The following PRKCE variants were observed in gnomAD, a reference collection of about 807,000 sequenced individuals.
The protein encoded by PRKCE is protein kinase C epsilon.
A neutral mutation model predicts 85.4 loss-of-function variants in PRKCE; 16 were observed. The ratio of observed to expected loss-of-function variants is 0.19; its 90% CI spans 0.13 to 0.28. The LOEUF (loss-of-function observed/expected upper bound fraction) is 0.28. Among genes scored for constraint, PRKCE ranks in the 10% least tolerant of loss-of-function variants. The pLI is 1.00. For missense variants in PRKCE, 573 were observed against 975.2 expected, an observed-to-expected ratio of 0.59 and a Z score of 5.49; for synonymous variants, 388 against 371.5, an observed-to-expected ratio of 1.04 and a Z score of -0.51.
intron 10 of PRKCE, among the ~76,000 whole-genome samples, chr2:46,034,501 G>A (rs1477016553): frequency 6.6e-6 from 1 of 152,168 alleles, no homozygotes; most frequent in African/African-American, 2.4e-5. Context: ...ATTGCATATA[G>A]ATCTCTAGCC....
intron 1 of PRKCE, among the ~76,000 whole-genome samples, chr2:45,836,715 C>G (rs1690910018): frequency 6.6e-6 from 1 of 152,194 alleles, no homozygotes; most frequent in African/African-American, 2.4e-5. Flanking sequence ...GGTTCCCCGT[C>G]TGCCTCCTCC....
At chr2:45,698,605 G>A (rs978262148) in intron 1 of PRKCE, among the ~76,000 whole-genome samples, 8 of 151,796 alleles carry the variant, frequency 5.3e-5, no homozygotes, top group African/African-American at 1.9e-4. Flanking sequence ...GAAAGGAAGA[G>A]GAAAGAGAGG....
At chr2:45,770,842 C>T (rs1685265479) in intron 1 of PRKCE, 1 of 146,434 alleles carries the variant, frequency 6.8e-6, no homozygotes, top group African/African-American at 2.5e-5. Context: ...GTGAAAAAGA[C>T]CAACCAAATC....
At chr2:45,763,546 C>T (rs2104847402) in intron 1 of PRKCE, among the ~76,000 whole-genome samples, 1 of 152,032 alleles carries the variant, frequency 6.6e-6, no homozygotes, top group African/African-American at 2.4e-5. Flanking sequence ...AGGACCTCAG[C>T]CCTCATTGAT....
chr2:46,063,295 TCA>T (rs1488929547), intron 10 of PRKCE, among the ~76,000 whole-genome samples: 2 of 151,710 alleles, frequency 1.3e-5, no homozygotes, highest in African/African-American at 2.4e-5. Context: ...TGGAACTGCT[TCA>T]GTTTCCAGCA....
chr2:45,977,564 G>T (rs577402301), intron 3 of PRKCE, among the ~76,000 whole-genome samples: 16 of 152,002 alleles, frequency 1.1e-4, no homozygotes, highest in African/African-American at 3.9e-4. Flanking sequence ...TTTAACCCTG[G>T]AGGTGGAGGC....
At chr2:45,896,821 T>G (rs72801100) in intron 2 of PRKCE, among the ~76,000 whole-genome samples, 6,590 of 152,272 alleles carry the variant, frequency 0.043, 150 homozygotes, top group Middle Eastern at 0.1. Flanking sequence ...CCGTGGCTCA[T>G]GCCTGTAATC....
At chr2:45,733,752 G>A (rs1198477365) in intron 1 of PRKCE, among the ~76,000 whole-genome samples, 1 of 152,174 alleles carries the variant, frequency 6.6e-6, no homozygotes, top group African/African-American at 2.4e-5. Flanking sequence ...AAGTCGTGTA[G>A]TAGGAAGCGC....
At chr2:46,030,204 G>T (rs907760257) in intron 10 of PRKCE, among the ~76,000 whole-genome samples, 1 of 152,130 alleles carries the variant, frequency 6.6e-6, no homozygotes, top group South Asian at 2.1e-4. Context: ...CTTGAACATG[G>T]AGAAGACAGC....
intron 1 of PRKCE, among the ~76,000 whole-genome samples, chr2:45,726,080 C>A (rs936264266): frequency 6.6e-6 from 1 of 152,088 alleles, no homozygotes; most frequent in Non-Finnish European, 1.5e-5. Context: ...CAAACTTGAA[C>A]GGATGAGGAG....
chr2:45,873,257 C>T lies in PRKCE; in HGVS notation c.412+30194C>T, dbSNP rs531383477. Among the ~76,000 whole-genome samples the T allele has an allele frequency of 3.3e-5, 5 of 152,188 alleles. No individual in the cohort carries two copies. In the East Asian group the frequency reaches 9.6e-4, roughly 29 times the overall value. On this transcript the variant is annotated intron_variant, in intron 2 of 14. Transcript: ENST00000306156. ...TCAGTAGAAAGGTAAAGCAGGAAGA[C>T]CAGAAACTGAGCAAAAGCATTTAGA...
At chr2:45,729,792 C>G (rs1681409567) in intron 1 of PRKCE, among the ~76,000 whole-genome samples, 1 of 152,154 alleles carries the variant, frequency 6.6e-6, no homozygotes, top group Admixed American at 6.5e-5. Flanking sequence ...CCAGACTGCT[C>G]TGGCCATCCT....
chr2:45,852,477 G>C (rs1425986419), intron 2 of PRKCE, among the ~76,000 whole-genome samples: 1 of 152,166 alleles, frequency 6.6e-6, no homozygotes, highest in Non-Finnish European at 1.5e-5. Flanking sequence ...AGAGTCTATT[G>C]CCTGCGCAGG....
chr2:45,758,080 C>G (rs985195663), intron 1 of PRKCE, among the ~76,000 whole-genome samples: 2 of 152,210 alleles, frequency 1.3e-5, no homozygotes, highest in African/African-American at 4.8e-5. Flanking sequence ...ACAGAGAAGG[C>G]TGAGGGTGCA....
At chr2:45,890,566 G>C (rs935702880) in intron 2 of PRKCE, among the ~76,000 whole-genome samples, 2 of 151,992 alleles carry the variant, frequency 1.3e-5, no homozygotes, top group Non-Finnish European at 1.5e-5. Flanking sequence ...TTTTAGTAGA[G>C]ATGGGATTTT....
Position 45,784,337 on chromosome 2 carries a change from G to C in PRKCE, c.349-58663G>C, listed in dbSNP as rs150790581. The stretch of plus-strand genomic sequence containing the variant: ...GGCGTGAGGGCCACTTGCGGGTGAG[G>C]TGTGGAACCGAACCTGCCAAAAAAG... On this transcript the variant is annotated intron_variant, in intron 1 of 14. Coordinates refer to ENST00000306156, the MANE Select transcript of PRKCE (RefSeq NM_005400.3). Among the ~76,000 whole-genome samples the C allele has an allele frequency of 2.1e-4, 32 of 152,360 alleles. No homozygotes were observed. The East Asian group carries it at 6.2e-3, about 29-fold the overall frequency.
At chr2:45,983,977 AC>A (rs1703106526) in intron 5 of PRKCE, among the ~76,000 whole-genome samples, 2 of 139,990 alleles carry the variant, frequency 1.4e-5, no homozygotes, top group South Asian at 4.5e-4. Flanking sequence ...TTGCTCTGTC[AC>A]CCAGGCTAGG....
At chr2:45,694,510 T>C (rs773155051) in intron 1 of PRKCE, among the ~76,000 whole-genome samples, 2 of 152,184 alleles carry the variant, frequency 1.3e-5, no homozygotes, top group Non-Finnish European at 2.9e-5. Flanking sequence ...AGGTTTCCTG[T>C]CTTCATGGAA....
intron 1 of PRKCE, among the ~76,000 whole-genome samples, chr2:45,763,644 G>A (rs903957476): frequency 2.6e-5 from 4 of 152,080 alleles, no homozygotes; most frequent in African/African-American, 4.8e-5. Context: ...GGTATAACCC[G>A]CCATGCTGCT....
Sources: allele counts gnomAD v4.1 joint callset (sites outside exome capture counted in the v4.1 genomes callset), GRCh38; gene constraint gnomAD v4.1.1; transcripts MANE v1.5; gene names NCBI Gene and HGNC (gene_info 2026-07-23, HGNC 2026-07-21).